The following EPM2A variants were observed in gnomAD, a reference collection of about 807,000 sequenced individuals.
The protein encoded by EPM2A is EPM2A glucan phosphatase, laforin.
In EPM2A, 21 loss-of-function variants were observed where a neutral mutation model predicts 26.5. The ratio of observed to expected loss-of-function variants is 0.79; its 90% CI spans 0.56 to 1.14. The LOEUF (loss-of-function observed/expected upper bound fraction) is 1.14. Ranked by LOEUF, EPM2A falls within the 50% of genes most tolerant of loss-of-function variation. EPM2A has a pLI of 0.00. For synonymous variants in EPM2A, 217 were observed against 177.6 expected (o/e 1.22, Z -1.76); for missense variants, 458 against 440.8 (o/e 1.04, Z -0.35).
At chr6:145,582,383 C>T (rs921620019) in intron 2 of EPM2A, among the ~76,000 whole-genome samples, 7 of 151,958 alleles carry the variant, frequency 4.6e-5, no homozygotes, top group Non-Finnish European at 8.8e-5. Flanking sequence ...AGAGTATGTG[C>T]CATGCACAGA....
intron 1 of EPM2A, among the ~76,000 whole-genome samples, chr6:145,707,949 T>C (rs1043656901): frequency 6.6e-6 from 1 of 152,200 alleles, no homozygotes; most frequent in Non-Finnish European, 1.5e-5. Context: ...ACTTGTTGAA[T>C]GGCTTTGACC....
chr6:145,705,872 C>T (rs754601491), intron 1 of EPM2A: 17 of 456,442 alleles, frequency 3.7e-5, no homozygotes, highest in South Asian at 1.4e-4. Context: ...AAACAGTAAT[C>T]GCCTGCCATG....
chr6:145,603,594 T>G (rs767697244), intron 2 of EPM2A, among the ~76,000 whole-genome samples: 5 of 152,224 alleles, frequency 3.3e-5, no homozygotes, highest in Non-Finnish European at 7.3e-5. Context: ...AAAATGAAAG[T>G]GCTTATTAAA....
At chr6:145,471,401 C>T (rs941109981) in intron 4 of EPM2A, among the ~76,000 whole-genome samples, 1 of 152,096 alleles carries the variant, frequency 6.6e-6, no homozygotes, top group Non-Finnish European at 1.5e-5. Context: ...CACAAGGACA[C>T]CAAGTTAACA....
At chr6:145,439,239 T>C (rs754057130) in intron 4 of EPM2A, among the ~76,000 whole-genome samples, 2 of 152,202 alleles carry the variant, frequency 1.3e-5, no homozygotes, top group Non-Finnish European at 2.9e-5. Context: ...TTATTCCATG[T>C]CTTTGATATT....
At chr6:145,698,947 G>A (rs916214633) in intron 1 of EPM2A, among the ~76,000 whole-genome samples, 8 of 152,258 alleles carry the variant, frequency 5.3e-5, no homozygotes, top group Non-Finnish European at 7.4e-5. Flanking sequence ...TACCAGTAAC[G>A]GAATCTGCCA....
intron 2 of EPM2A, among the ~76,000 whole-genome samples, chr6:145,599,660 A>T (rs1345487891): frequency 6.6e-6 from 1 of 151,984 alleles, no homozygotes; most frequent in Admixed American, 6.6e-5. Flanking sequence ...CTATATATGA[A>T]CATCCTTAGT....
chr6:145,726,213 A>G (rs551916190), intron 1 of EPM2A, among the ~76,000 whole-genome samples: 1 of 152,250 alleles, frequency 6.6e-6, no homozygotes, highest in East Asian at 1.9e-4. Context: ...AAGTCACTGA[A>G]AGAGTACTCA....
intron 2 of EPM2A, among the ~76,000 whole-genome samples, chr6:145,561,566 G>C (rs965848887): frequency 6.6e-6 from 1 of 152,048 alleles, no homozygotes; most frequent in African/African-American, 2.4e-5. Flanking sequence ...CACACAAATG[G>C]TAACTATTCT....
chr6:145,568,859 T>C (rs1161660955), intron 2 of EPM2A, among the ~76,000 whole-genome samples: 1 of 152,138 alleles, frequency 6.6e-6, no homozygotes, highest in African/African-American at 2.4e-5. Flanking sequence ...AGGAGCACGA[T>C]GAGGACAATA....
intron 1 of EPM2A, among the ~76,000 whole-genome samples, chr6:145,717,276 A>C (rs570741058): frequency 6.6e-6 from 1 of 152,352 alleles, no homozygotes; most frequent in East Asian, 1.9e-4. Context: ...ACCATGATCA[A>C]GTGGCCTTCA....
chr6:145,532,720 G>A (rs1582830351), intron 2 of EPM2A, among the ~76,000 whole-genome samples: 1 of 152,218 alleles, frequency 6.6e-6, no homozygotes, highest in Admixed American at 6.5e-5. Flanking sequence ...TTGGGTCAGG[G>A]TCTGTGGGAC....
intron 4 of EPM2A, among the ~76,000 whole-genome samples, chr6:145,423,683 C>T (rs949189827): frequency 4.6e-5 from 7 of 152,128 alleles, no homozygotes; most frequent in Admixed American, 2.6e-4. Flanking sequence ...GGTGACCTTG[C>T]CAATGTGGGA....
chr6:145,544,956 A>G (rs1372684732), intron 2 of EPM2A, among the ~76,000 whole-genome samples: 1 of 152,214 alleles, frequency 6.6e-6, no homozygotes, highest in East Asian at 1.9e-4. Flanking sequence ...GTTTAGAATC[A>G]TAAGGTTGAA....
intron 2 of EPM2A, among the ~76,000 whole-genome samples, chr6:145,655,032 C>T (rs530274992): frequency 1.6e-4 from 25 of 152,124 alleles, no homozygotes; most frequent in South Asian, 6.2e-4. Flanking sequence ...CAAAAATGCA[C>T]GCATCGTTTT....
intron 4 of EPM2A, among the ~76,000 whole-genome samples, chr6:145,492,247 C>T (rs534385089): frequency 4.6e-5 from 7 of 152,234 alleles, no homozygotes; most frequent in East Asian, 1.9e-4. Context: ...GAACCCACTG[C>T]GCTCAACCAT....
Position 145,585,666 on chromosome 6 carries a change from A to G in EPM2A, c.340+49579T>C, listed in dbSNP as rs1781186487. On this transcript the variant is annotated intron_variant, in intron 2 of 3. Transcript: ENST00000450221. ...ATTTTCCTGTTTCTTTGTATATCTG[A>G]TAGATTTTAATTATATATCAGATAC... 3.3e-5 allele frequency among the ~76,000 whole-genome samples: 5 copies of G among 152,100 alleles called. No individual in the cohort carries two copies. The South Asian group carries it at 1.0e-3, about 32-fold the overall frequency.
rs190608722 is a variant in EPM2A, at chr6:145,444,053, C to T, written c.555+58469G>A. 2.6e-5 allele frequency among the ~76,000 whole-genome samples: 4 copies of T among 152,260 alleles called. No homozygotes were observed. The East Asian group carries it at 7.7e-4, about 29-fold the overall frequency. On this transcript the variant is annotated intron_variant, in intron 4 of 4. Coordinates refer to the EPM2A transcript ENST00000638717. ...TCAGCAGCGTAAAAATGGACTAATG[C>T]ACAGGAATCGTTTGACTCCCTCTCT...
At chr6:145,577,140 G>T (rs1029208392) in intron 2 of EPM2A, among the ~76,000 whole-genome samples, 1 of 151,828 alleles carries the variant, frequency 6.6e-6, no homozygotes, top group Non-Finnish European at 1.5e-5. Context: ...AAAGCACTCA[G>T]AAAACAAATA....
Sources: allele counts gnomAD v4.1 joint callset (sites outside exome capture counted in the v4.1 genomes callset), GRCh38; gene constraint gnomAD v4.1.1; transcripts MANE v1.5; gene names NCBI Gene and HGNC (gene_info 2026-07-23, HGNC 2026-07-21).